The following SH2D4A variants were observed in gnomAD, a reference collection of about 807,000 sequenced individuals.
SH2D4A encodes the protein SH2 domain containing 4A, also known as SH2 domain-containing protein 4A.
Under a neutral mutation model 64.7 loss-of-function variants are expected in SH2D4A, and 70 were observed. The ratio of observed to expected loss-of-function variants is 1.08; its 90% CI spans 0.89 to 1.32. SH2D4A has a LOEUF of 1.32. SH2D4A is among the 40% of genes most tolerant of loss of function. The probability of loss-of-function intolerance (pLI) is 0.00; values close to 1 mark genes in which losing one functional copy is unlikely to be tolerated. For synonymous variants in SH2D4A, 268 were observed against 200.7 expected, an observed-to-expected ratio of 1.34 and a Z score of -2.83; for missense variants, 706 against 540.1, an observed-to-expected ratio of 1.31 and a Z score of -3.04.
Position 19,394,646 on chromosome 8 carries a change from C to T in SH2D4A, c.*4C>T, listed in dbSNP as rs1195288040. The T allele has an allele frequency of 6.2e-7, 1 of 1,602,764 alleles. No individual in the cohort carries two copies. On this transcript the variant is annotated 3_prime_UTR_variant, in exon 10 of 10. Transcript: ENST00000265807. Reference sequence around the variant, plus strand: ...CTACCTGGAGCTGTTTGAGTGACAGCCTCCATCAGGGTCATCCTACAGCCT... The same window carrying T: ...CTACCTGGAGCTGTTTGAGTGACAGTCTCCATCAGGGTCATCCTACAGCCT...
chr8:19,393,722 A>G (rs2053538697), intron 9 of SH2D4A, among the ~76,000 whole-genome samples, 181 bp downstream of exon 9: 1 of 152,206 alleles, frequency 6.6e-6, no homozygotes, highest in African/African-American at 2.4e-5. Flanking sequence ...CATTTATCTT[A>G]GAACCTAGTT....
intron 4 of SH2D4A, among the ~76,000 whole-genome samples, chr8:19,348,360 G>C (rs1046745310): frequency 1.3e-5 from 2 of 152,144 alleles, no homozygotes; most frequent in African/African-American, 4.8e-5. Flanking sequence ...GCCTCCCAAA[G>C]TGCTGGGATT....
At chr8:19,363,962 C>G in intron 6 of SH2D4A, 110 bp from the exon 7 acceptor site, 1 of 974,412 alleles carries the variant, frequency 1.0e-6, no homozygotes, top group Non-Finnish European at 1.5e-6. Context: ...TATAAGCAGA[C>G]AACAAACTGC....
At chr8:19,373,455 T>TATATATATATATATATATACACACCC in intron 7 of SH2D4A, 75 bp from the exon 8 acceptor site, 2 of 962,230 alleles carry the variant, frequency 2.1e-6, no homozygotes, top group African/African-American at 1.8e-5. Flanking sequence ...TATATATATA[T>TATATATATATATATATATACACACCC]ATATATATAT....
intron 2 of SH2D4A, among the ~76,000 whole-genome samples, chr8:19,328,239 A>G (rs2052313341): frequency 6.6e-6 from 1 of 152,206 alleles, no homozygotes; most frequent in Non-Finnish European, 1.5e-5. Flanking sequence ...TCCCAAGTCT[A>G]CATGGCTAAT....
intron 4 of SH2D4A, 124 bp downstream of exon 4, chr8:19,334,981 T>A: frequency 8.5e-7 from 1 of 1,181,188 alleles, no homozygotes; most frequent in Non-Finnish European, 1.2e-6. Context: ...GAGAAATGCC[T>A]CCTAACTTTA....
rs2052803465 is a variant in SH2D4A, at chr8:19,357,102, G to A, written c.514-101G>A. 1.6e-5 allele frequency: 14 copies of A among 898,278 alleles called. No individual in the cohort carries two copies. The South Asian group carries it at 2.1e-4, about 14-fold the overall frequency. The allele number at this position is 898,278 out of a possible 1,614,324, so 55.6% of individuals were successfully genotyped here. A position where few individuals can be genotyped will look rare whatever the true frequency, so the allele number is the denominator to read the frequency against. ...GCCTTGGGTGGATCCATCTGTAGGG[G>A]CGGGGGCAGCATTAGGGAAACCAGG... On this transcript the variant is annotated intron_variant, in intron 4 of 9. Transcript: ENST00000265807.
intron 8 of SH2D4A, among the ~76,000 whole-genome samples, chr8:19,381,393 T>C (rs2053290694): frequency 1.3e-5 from 2 of 152,178 alleles, no homozygotes; most frequent in Admixed American, 6.5e-5. Flanking sequence ...TTCACTTCCT[T>C]GGTTAATTTC....
intron 8 of SH2D4A, among the ~76,000 whole-genome samples, chr8:19,382,872 C>T (rs1432283437): frequency 1.7e-5 from 2 of 115,456 alleles, no homozygotes; most frequent in African/African-American, 3.3e-5. Flanking sequence ...ACTCTGTCAT[C>T]CTGGCTGGAG....
At chr8:19,331,952 G>C (rs1233185770) in intron 2 of SH2D4A, among the ~76,000 whole-genome samples, 1 of 152,110 alleles carries the variant, frequency 6.6e-6, no homozygotes, top group Non-Finnish European at 1.5e-5. Context: ...CCAGAAGTTT[G>C]AGACCAGCCT....
At chr8:19,340,640 C>T (rs1433822263) in intron 4 of SH2D4A, among the ~76,000 whole-genome samples, 4 of 123,642 alleles carry the variant, frequency 3.2e-5, no homozygotes, top group South Asian at 5.3e-4. Context: ...GGGTCTTGCT[C>T]TATCAACCAG....
rs572918193 is a variant in SH2D4A, at chr8:19,354,674, A to G, written c.514-2529A>G. Among the ~76,000 whole-genome samples, 3 of 152,380 alleles carry G rather than the reference A, an allele frequency of 2.0e-5. No individual in the cohort carries two copies. In the South Asian group the frequency reaches 6.2e-4, roughly 32 times the overall value. ...AATACCTGGTTCATGTGTACATGAG[A>G]TGAACTGTTCAGTTTAAGGAATAAC... is the stretch of plus-strand genomic sequence containing the variant. On this transcript the variant is annotated intron_variant, in intron 4 of 9. Coordinates refer to ENST00000265807, the MANE Select transcript of SH2D4A (RefSeq NM_022071.4).
At chr8:19,342,733 C>G (rs1015772204) in intron 4 of SH2D4A, among the ~76,000 whole-genome samples, 3 of 152,162 alleles carry the variant, frequency 2.0e-5, no homozygotes, top group Non-Finnish European at 4.4e-5. Flanking sequence ...TGCACCTTAA[C>G]GATCACACTG....
chr8:19,335,192 G>T (rs1585155011), intron 4 of SH2D4A, among the ~76,000 whole-genome samples: 1 of 152,178 alleles, frequency 6.6e-6, no homozygotes, highest in Non-Finnish European at 1.5e-5. Flanking sequence ...GGAGGCTGAG[G>T]CAGGAGAACG....
chr8:19,383,158 C>CTTT (rs970336908), intron 8 of SH2D4A, among the ~76,000 whole-genome samples: 4 of 152,080 alleles, frequency 2.6e-5, no homozygotes, highest in African/African-American at 7.2e-5. Context: ...CTGCCCCCTT[C>CTTT]TCCTTCTGAT....
chr8:19,356,898 C>G (rs2052800278), intron 4 of SH2D4A, among the ~76,000 whole-genome samples: 1 of 152,214 alleles, frequency 6.6e-6, no homozygotes, highest in Non-Finnish European at 1.5e-5. Context: ...ATGTTGATGG[C>G]TGGAAGTTAT....
chr8:19,329,737 AG>A (rs766044036), intron 2 of SH2D4A, among the ~76,000 whole-genome samples: 2 of 152,158 alleles, frequency 1.3e-5, no homozygotes, highest in African/African-American at 2.4e-5. Flanking sequence ...AGGTTTTATC[AG>A]GGGTTTCCAC....
Position 19,319,665 on chromosome 8 carries a change from A to C in SH2D4A, c.118A>C (p.Lys40Gln). 3 of 1,610,866 alleles carry C rather than the reference A, an allele frequency of 1.9e-6. No homozygotes were observed. The highest frequency in any genetic ancestry group is 1.7e-6 in the Non-Finnish European group (2 of 1,178,864). The change falls in exon 2 of 10, where the codon AAA becomes CAA. Residue 40 changes from lysine (K) to glutamine (Q), a missense_variant. By Grantham distance (53) the Lys-to-Gln change is moderately conservative (BLOSUM62 1). Coordinates refer to ENST00000265807, the MANE Select transcript of SH2D4A (RefSeq NM_022071.4). ...KMREEQIRRW[K>Q]EREAAMERKE... ...GAGAGAGGAACAGATCCGACGATGG[A>C]AAGAAAGAGAAGCAGCTATGGAAAG...
At chr8:19,387,840 G>A (rs886879285) in intron 8 of SH2D4A, among the ~76,000 whole-genome samples, 1 of 152,164 alleles carries the variant, frequency 6.6e-6, no homozygotes, top group Admixed American at 6.5e-5. Flanking sequence ...GGTAATATTT[G>A]TAAAGCATGA....
Sources: gnomAD v4.1 joint callset for allele counts (sites outside exome capture counted in the v4.1 genomes callset) on GRCh38, gnomAD v4.1.1 for gene constraint, MANE v1.5 for transcripts, NCBI Gene and HGNC (gene_info 2026-07-23, HGNC 2026-07-21) for gene names.